PTPRD: variants seen among roughly 807,000 people sequenced by gnomAD.
PTPRD encodes protein tyrosine phosphatase receptor type D, also known as receptor-type tyrosine-protein phosphatase delta.
Under a neutral mutation model 214.5 loss-of-function variants are expected in PTPRD, and 34 were observed. The ratio of observed to expected loss-of-function variants is 0.16; its 90% confidence interval spans 0.12 to 0.21. PTPRD has a LOEUF of 0.21. Among genes scored for constraint, PTPRD ranks in the 10% least tolerant of loss-of-function variants. The pLI, the probability that PTPRD is intolerant of heterozygous loss-of-function variation, is 1.00. For synonymous variants in PTPRD, 1,128 were observed against 845.7 expected (o/e 1.33, Z -5.79); for missense variants, 2,545 against 2,398.7 (o/e 1.06, Z -1.27).
chr9:9,898,330 G>A (rs1447835155), intron 5 of PTPRD, among the ~76,000 whole-genome samples: 2 of 152,036 alleles, frequency 1.3e-5, no homozygotes, highest in African/African-American at 2.4e-5. Flanking sequence ...ATTTAATGAA[G>A]GAGATAGATT....
chr9:8,396,444 T>C (rs1362739442), intron 36 of PTPRD, among the ~76,000 whole-genome samples: 2 of 152,130 alleles, frequency 1.3e-5, no homozygotes, highest in Non-Finnish European at 2.9e-5. Flanking sequence ...CCATAGATGA[T>C]GTAGGTTTAT....
chr9:9,750,667 C>A (rs117409159), intron 6 of PTPRD, among the ~76,000 whole-genome samples: 3 of 152,016 alleles, frequency 2.0e-5, no homozygotes, highest in Non-Finnish European at 4.4e-5. Context: ...CTGCAGCTTA[C>A]CCTTTAACAA....
intron 7 of PTPRD, among the ~76,000 whole-genome samples, chr9:9,597,228 C>T (rs1337626722): frequency 2.0e-5 from 3 of 151,998 alleles, no homozygotes; most frequent in Non-Finnish European, 4.4e-5. Flanking sequence ...CAGATATAAC[C>T]TCCCCCACCG....
intron 2 of PTPRD, among the ~76,000 whole-genome samples, chr9:10,556,054 A>G (rs767951183): frequency 1.3e-5 from 2 of 152,328 alleles, no homozygotes; most frequent in Middle Eastern, 3.4e-3. Flanking sequence ...TTTTTAAAAC[A>G]TAAATACCTT....
At chr9:10,270,227 A>T (rs1051900786) in intron 3 of PTPRD, among the ~76,000 whole-genome samples, 11 of 142,894 alleles carry the variant, frequency 7.7e-5, no homozygotes, top group African/African-American at 2.7e-4. Flanking sequence ...ATTAAAAAAG[A>T]TTATTATATC....
At chr9:8,501,121 A>C in intron 23 of PTPRD, 62 bp from the exon 24 acceptor site, 1 of 1,311,628 alleles carries the variant, frequency 7.6e-7, no homozygotes, top group East Asian at 2.4e-5. Flanking sequence ...TTGAAAAAAA[A>C]AATGATAAAA....
rs367982541 is a variant in PTPRD, at chr9:8,341,280, GA to G, written c.4948-13del. ...GAGCTGGCTAGACGCTGTTGAATAG[GA>G]AAAAAAAAAAAGGAAAAACCCAACA... On this transcript the variant is annotated splice_polypyrimidine_tract_variant and intron_variant, in intron 40 of 45. Coordinates refer to ENST00000381196, the MANE Select transcript of PTPRD (RefSeq NM_002839.4). 91,888 of 886,486 alleles carry G rather than the reference GA, an allele frequency of 0.1. 7 individuals are homozygous for G. The highest frequency in any genetic ancestry group is 0.16 in the South Asian group (8,017 of 50,164). 54.9% of individuals were successfully genotyped at this position (886,486 alleles called of 1,614,324 possible).
chr9:9,949,690 AC>A (rs1265930332), intron 4 of PTPRD, among the ~76,000 whole-genome samples: 4 of 152,124 alleles, frequency 2.6e-5, no homozygotes, highest in Admixed American at 6.5e-5. Flanking sequence ...AAACAAACAA[AC>A]AAACTAACAA....
At chr9:8,925,858 A>ATT (rs33971552) in intron 11 of PTPRD, among the ~76,000 whole-genome samples, 42,555 of 119,840 alleles carry the variant, frequency 0.36, 7,845 homozygotes, top group East Asian at 0.5. Context: ...CTATTGCAAT[A>ATT]TTTTTTTTTT....
chr9:9,303,746 G>A (rs768587371), intron 9 of PTPRD, among the ~76,000 whole-genome samples: 21 of 152,110 alleles, frequency 1.4e-4, no homozygotes, highest in Non-Finnish European at 2.8e-4. Flanking sequence ...ATCCTAAAGT[G>A]AACCAAGATA....
intron 3 of PTPRD, among the ~76,000 whole-genome samples, chr9:10,270,158 G>T (rs1489376808): frequency 1.3e-5 from 2 of 151,984 alleles, no homozygotes; most frequent in African/African-American, 4.8e-5. Context: ...TAAACTTATG[G>T]AAATATAATT....
At chr9:10,337,613 T>C (rs2096866532) in intron 3 of PTPRD, among the ~76,000 whole-genome samples, 1 of 151,700 alleles carries the variant, frequency 6.6e-6, no homozygotes, top group Non-Finnish European at 1.5e-5. Flanking sequence ...AAACCAACAG[T>C]TTTATATGTA....
chr9:8,383,301 A>G (rs1396413923), intron 37 of PTPRD, among the ~76,000 whole-genome samples: 1 of 152,178 alleles, frequency 6.6e-6, no homozygotes, highest in Non-Finnish European at 1.5e-5. Flanking sequence ...GGACTGGGGA[A>G]GACATAGGAG....
At chr9:8,821,732 C>T (rs545841546) in intron 11 of PTPRD, among the ~76,000 whole-genome samples, 2 of 152,302 alleles carry the variant, frequency 1.3e-5, no homozygotes, top group Admixed American at 1.3e-4. Context: ...GTGGCACAAT[C>T]TCGGCTCACG....
chr9:8,548,121 A>C (rs2080809952), intron 14 of PTPRD, among the ~76,000 whole-genome samples: 1 of 152,206 alleles, frequency 6.6e-6, no homozygotes. Context: ...TTTGATAGAA[A>C]TGTAGTAAAG....
intron 3 of PTPRD, among the ~76,000 whole-genome samples, chr9:10,158,213 T>G (rs531955298): frequency 6.6e-6 from 1 of 152,288 alleles, no homozygotes; most frequent in South Asian, 2.1e-4. Flanking sequence ...TTCACCATGT[T>G]GGCCAGGCTG....
chr9:8,701,199 T>C (rs1040032395), intron 12 of PTPRD, among the ~76,000 whole-genome samples: 3 of 151,882 alleles, frequency 2.0e-5, no homozygotes, highest in African/African-American at 7.3e-5. Context: ...AGTGCCATAA[T>C]TCAGGGGGAA....
chr9:9,479,217 C>CA (rs2095278200), intron 8 of PTPRD, among the ~76,000 whole-genome samples: 1 of 11,104 alleles, frequency 9.0e-5, no homozygotes, highest in East Asian at 3.0e-3. Context: ...ACACACACGC[C>CA]CCCCCCCCCC....
chr9:9,204,133 T>C (rs1342995450), intron 9 of PTPRD, among the ~76,000 whole-genome samples: 5 of 152,174 alleles, frequency 3.3e-5, no homozygotes, highest in Admixed American at 2.0e-4. Flanking sequence ...GAATTCATCA[T>C]GTGAATTCAA....
Sources: allele counts gnomAD v4.1 joint callset (sites outside exome capture counted in the v4.1 genomes callset), GRCh38; gene constraint gnomAD v4.1.1; transcripts MANE v1.5; gene names NCBI Gene and HGNC (gene_info 2026-07-23, HGNC 2026-07-21).